AADAT: variants seen among roughly 807,000 people sequenced by gnomAD.
AADAT encodes the protein aminoadipate aminotransferase, also known as kynurenine/alpha-aminoadipate aminotransferase, mitochondrial.
AADAT carries 25 observed loss-of-function variants against 56.2 expected under a neutral mutation model. The observed-to-expected ratio is 0.44, with a 90% confidence interval of 0.32 to 0.62. AADAT has a LOEUF of 0.62. Among genes scored for constraint, AADAT ranks in the 20% least tolerant of loss-of-function variants. The pLI, the probability that AADAT is intolerant of heterozygous loss-of-function variation, is 0.04. For missense variants in AADAT, 387 were observed against 510.5 expected (o/e 0.76, Z 2.33); for synonymous variants, 173 against 164.7 (o/e 1.05, Z -0.39).
intron 9 of AADAT, among the ~76,000 whole-genome samples, chr4:170,067,045 A>T (rs1217232705): frequency 6.6e-6 from 1 of 152,206 alleles, no homozygotes; most frequent in Non-Finnish European, 1.5e-5. Context: ...AAGTTTACCC[A>T]TTACATCATT....
intron 3 of AADAT, 135 bp from the exon 4 acceptor site, chr4:170,078,718 C>A: frequency 2.1e-6 from 1 of 478,030 alleles, no homozygotes. Flanking sequence ...AGGGGCCAAA[C>A]AGTAAACACT....
At position 170,064,167 on chromosome 4, in the gene AADAT, C is replaced by G. The variant is rs148825090; in HGVS notation, c.1134+552G>C. Among the ~76,000 whole-genome samples, 1,032 of 152,168 alleles carry G rather than the reference C, an allele frequency of 6.8e-3. 17 individuals carry two copies. The highest frequency in any genetic ancestry group is 0.023 in the African/African-American group (973 of 41,516). ...GGCTATTTAAAAAATTTTCATTATG[C>G]TTTTATACATTTTCCAAATATCCTA... On this transcript the variant is annotated intron_variant, in intron 11 of 12. Transcript: ENST00000337664.
At chr4:170,065,664 C>A (rs1400409726) in intron 10 of AADAT, among the ~76,000 whole-genome samples, 1 of 152,050 alleles carries the variant, frequency 6.6e-6, no homozygotes, top group Non-Finnish European at 1.5e-5. Flanking sequence ...TCACGCCCAG[C>A]TAATTTTTAT....
chr4:170,060,902 A>C lies in AADAT; in HGVS notation c.*26T>G. 6.5e-7 allele frequency: 1 copy of C among 1,537,724 alleles called. No individual in the cohort carries two copies. Among genetic ancestry groups the C allele is most frequent in the South Asian group, 1.2e-5 (1 of 83,030 alleles). On this transcript the variant is annotated 3_prime_UTR_variant, in exon 13 of 13. Transcript: ENST00000337664. Reference sequence around the variant, plus strand: ...AGTGCTGGGATTATAGGTGTGAGCCACCATGCCCAACCTAGTTTAATTTCT... The same window carrying C: ...AGTGCTGGGATTATAGGTGTGAGCCCCCATGCCCAACCTAGTTTAATTTCT...
intron 3 of AADAT, among the ~76,000 whole-genome samples, chr4:170,083,608 A>G (rs192514834): frequency 2.0e-4 from 31 of 152,190 alleles, no homozygotes; most frequent in Admixed American, 1.3e-4. Flanking sequence ...TTCTAAAAGA[A>G]GACATAAAAA....
chr4:170,092,591 A>G (rs558109654), upstream of AADAT, among the ~76,000 whole-genome samples: 6 of 152,356 alleles, frequency 3.9e-5, no homozygotes, highest in African/African-American at 1.4e-4. Context: ...AGTATCTAGT[A>G]AACCTGTTAG....
chr4:170,075,176 C>A (rs1392592837), intron 4 of AADAT, among the ~76,000 whole-genome samples: 1 of 152,194 alleles, frequency 6.6e-6, no homozygotes, highest in Non-Finnish European at 1.5e-5. Flanking sequence ...TGTGTATATG[C>A]ACGCTTTATA....
intron 3 of AADAT, among the ~76,000 whole-genome samples, chr4:170,082,657 C>T (rs1056920325): frequency 1.3e-5 from 2 of 152,034 alleles, no homozygotes; most frequent in Admixed American, 6.5e-5. Context: ...GATAAAGAAA[C>T]AAGACCCAAT....
At chr4:170,061,691 C>A (rs756839129) in intron 12 of AADAT, among the ~76,000 whole-genome samples, 4 of 152,146 alleles carry the variant, frequency 2.6e-5, no homozygotes, top group Admixed American at 6.5e-5. Context: ...AATTTTAACT[C>A]CAATTTAGTC....
Position 170,066,981 on chromosome 4 carries a change from G to A in AADAT, c.962+346C>T, listed in dbSNP as rs73864573. On this transcript the variant is annotated intron_variant, in intron 9 of 12. Coordinates refer to ENST00000337664, the MANE Select transcript of AADAT (RefSeq NM_016228.4). ...TTCATCTTTACTTGAGCCAAATCCC[G>A]TGTCATGTATCCTTCACAATTAATC... is the stretch of plus-strand genomic sequence containing the variant. Among the ~76,000 whole-genome samples, 1,067 of 152,158 alleles carry A rather than the reference G, an allele frequency of 7.0e-3. 15 individuals are homozygous for A. The highest frequency in any genetic ancestry group is 0.025 in the African/African-American group (1,030 of 41,498).
At chr4:170,083,042 A>C (rs1380818777) in intron 3 of AADAT, among the ~76,000 whole-genome samples, 2 of 150,960 alleles carry the variant, frequency 1.3e-5, no homozygotes, top group East Asian at 3.9e-4. Context: ...GATCTAATAG[A>C]CCTAGTAGAC....
chr4:170,089,292 G>C lies in AADAT; in HGVS notation c.67+332C>G, dbSNP rs142326489. On this transcript the variant is annotated intron_variant, in intron 1 of 12. Transcript: ENST00000337664. ...CTCTCCACTGTACACCCATCTGCAC[G>C]CTGTGCATGCCCCTTCTCAGCTTCC... is the stretch of plus-strand genomic sequence containing the variant. The C allele has an allele frequency of 1.5e-4, 79 of 529,700 alleles. 2 individuals carry two copies. In the East Asian group the frequency reaches 3.6e-3, roughly 24 times the overall value. 32.8% of individuals were successfully genotyped at this position (529,700 alleles called of 1,614,324 possible).
At position 170,073,545 on chromosome 4, in the gene AADAT, C is replaced by T. The variant is rs148117428; in HGVS notation, c.445-200G>A. Among the ~76,000 whole-genome samples, 424 of 151,240 alleles carry T rather than the reference C, an allele frequency of 2.8e-3. 4 individuals are homozygous for T. Among genetic ancestry groups the T allele is most frequent in the African/African-American group, 9.3e-3 (381 of 41,090 alleles). On this transcript the variant is annotated intron_variant, in intron 4 of 12. Transcript: ENST00000337664. ...TTTGAGATGGAGTCTCGCTCTGTCA[C>T]CCAGGCTGGAGTGCAATGGCGTGAT...
intron 2 of AADAT, 143 bp from the exon 3 acceptor site, chr4:170,087,391 AT>A (rs1732616342): frequency 1.3e-6 from 1 of 742,152 alleles, no homozygotes; most frequent in East Asian, 2.8e-5. Context: ...CAGTATGAAT[AT>A]TCCTATTTAA....
chr4:170,064,541 T>C (rs1731352532), intron 11 of AADAT, among the ~76,000 whole-genome samples, 178 bp downstream of exon 11: 1 of 152,220 alleles, frequency 6.6e-6, no homozygotes, highest in African/African-American at 2.4e-5. Context: ...GCTGGATAAT[T>C]ACGTAACCCA....
rs994030938 is a variant in AADAT, at chr4:170,087,058, C to G, written c.369+58G>C. On this transcript the variant is annotated intron_variant, in intron 3 of 12. Coordinates refer to ENST00000337664, the MANE Select transcript of AADAT (RefSeq NM_016228.4). ...TTCTCTGTGGTTAAGTGCGAGAGGA[C>G]TATAGAAATGAATGCTTCCAATTCT... 1.7e-5 allele frequency: 27 copies of G among 1,596,578 alleles called. No homozygotes were observed. The Admixed American group carries it at 4.5e-4, about 27-fold the overall frequency.
chr4:170,079,633 C>A (rs1448265778), intron 3 of AADAT, among the ~76,000 whole-genome samples: 1 of 151,982 alleles, frequency 6.6e-6, no homozygotes, highest in African/African-American at 2.4e-5. Context: ...AGTAATGGAA[C>A]ATGATTATGG....
In AADAT at chr4:170,084,331, A is replaced by C. The variant is rs186095677; in HGVS notation, c.369+2785T>G. 4.9e-4 allele frequency among the ~76,000 whole-genome samples: 75 copies of C among 152,326 alleles called. 1 individual carries two copies. Among genetic ancestry groups the C allele is most frequent in the Admixed American group, 4.0e-3 (61 of 15,306 alleles). ...AAAAATGGCAAGGATAGCAAATCTT[A>C]TATGTGTATTTTATGGCAACAGAAA... is the stretch of plus-strand genomic sequence containing the variant. On this transcript the variant is annotated intron_variant, in intron 3 of 12. Coordinates refer to ENST00000337664, the MANE Select transcript of AADAT (RefSeq NM_016228.4).
At chr4:170,082,478 C>G (rs1278492653) in intron 3 of AADAT, among the ~76,000 whole-genome samples, 1 of 151,936 alleles carries the variant, frequency 6.6e-6, no homozygotes, top group Non-Finnish European at 1.5e-5. Context: ...CAGAGAAAAT[C>G]ACTTAACCAC....
Sources: allele counts gnomAD v4.1 joint callset (sites outside exome capture counted in the v4.1 genomes callset), GRCh38; gene constraint gnomAD v4.1.1; transcripts MANE v1.5; gene names NCBI Gene and HGNC (gene_info 2026-07-23, HGNC 2026-07-21).